The following RGS7 variants were observed in gnomAD, a reference collection of about 807,000 sequenced individuals.
RGS7 encodes the protein regulator of G protein signaling 7.
In RGS7, 27 loss-of-function variants were observed where a neutral mutation model predicts 81.1. That is an observed-to-expected ratio of 0.33 (90% CI 0.25 to 0.46). The LOEUF (loss-of-function observed/expected upper bound fraction) is 0.46, where lower values mean the gene tolerates loss of function less well. Ranked by LOEUF, RGS7 falls within the 20% of genes least tolerant of loss-of-function variation. RGS7 has a pLI of 1.00. For synonymous variants in RGS7, 208 were observed against 207.7 expected (o/e 1.00, Z -0.01); for missense variants, 396 against 607.4 (o/e 0.65, Z 3.66).
At chr1:240,822,176 G>A (rs1691915575) in intron 10 of RGS7, among the ~76,000 whole-genome samples, 1 of 152,140 alleles carries the variant, frequency 6.6e-6, no homozygotes, top group African/African-American at 2.4e-5. Context: ...TAGAACAAAG[G>A]CTGACCTCCC....
intron 4 of RGS7, among the ~76,000 whole-genome samples, chr1:240,944,532 G>C (rs755462077): frequency 2.0e-5 from 3 of 151,780 alleles, no homozygotes; most frequent in Non-Finnish European, 4.4e-5. Context: ...GAAGAAAGTA[G>C]GGCACTGAAT....
intron 2 of RGS7, among the ~76,000 whole-genome samples, chr1:241,112,436 T>C (rs2065584118): frequency 6.6e-6 from 1 of 152,130 alleles, no homozygotes; most frequent in African/African-American, 2.4e-5. Flanking sequence ...AACTACCATT[T>C]TCAAAATGAA....
At chr1:241,044,890 T>C (rs1171381881) in intron 3 of RGS7, among the ~76,000 whole-genome samples, 1 of 152,246 alleles carries the variant, frequency 6.6e-6, no homozygotes, top group East Asian at 1.9e-4. Context: ...GTTCAAAATA[T>C]AAATTATTAT....
chr1:240,813,405 GCAA>G (rs1690236133), intron 13 of RGS7, among the ~76,000 whole-genome samples: 1 of 150,564 alleles, frequency 6.6e-6, no homozygotes, highest in African/African-American at 2.4e-5. Context: ...GGTCTTTCCA[GCAA>G]TGCAAATCTT....
At chr1:241,011,557 G>T (rs2058957726) in intron 3 of RGS7, among the ~76,000 whole-genome samples, 2 of 152,200 alleles carry the variant, frequency 1.3e-5, no homozygotes, top group South Asian at 4.1e-4. Context: ...TCGAACCAGA[G>T]TGACTCCATC....
chr1:241,271,358 AT>A lies in RGS7; in HGVS notation c.78+84340del, dbSNP rs1224831474. ...TGAACTGAAATTTTTATGCCTCAAC[AT>A]TTTTTTACAAAAGGAAATCAAATGT... On this transcript the variant is annotated intron_variant, in intron 2 of 18. Coordinates refer to ENST00000440928, the MANE Select transcript of RGS7 (RefSeq NM_001364886.1). This position sits in a 1 kb window ranked among gnomAD's most constrained non-coding sequence, Gnocchi z 4.6. Among the ~76,000 whole-genome samples the A allele has an allele frequency of 1.3e-5, 2 of 152,152 alleles. No homozygotes were observed. The highest frequency in any genetic ancestry group is 2.4e-5 in the African/African-American group (1 of 41,440).
chr1:241,000,588 AAT>A (rs1687985704), intron 3 of RGS7, among the ~76,000 whole-genome samples: 1 of 152,168 alleles, frequency 6.6e-6, no homozygotes, highest in African/African-American at 2.4e-5. Flanking sequence ...TGTACTGTTC[AAT>A]ATGTTAGCCA....
At chr1:241,306,198 A>C (rs1324505467) in intron 2 of RGS7, among the ~76,000 whole-genome samples, 1 of 150,692 alleles carries the variant, frequency 6.6e-6, no homozygotes, top group Non-Finnish European at 1.5e-5. Flanking sequence ...ACAAATACAC[A>C]CACAGGTCCA....
intron 3 of RGS7, among the ~76,000 whole-genome samples, chr1:241,047,531 A>G (rs1442309524): frequency 6.6e-6 from 1 of 152,052 alleles, no homozygotes; most frequent in Non-Finnish European, 1.5e-5. Context: ...CCTTTATTAT[A>G]CTCTCTAATG....
chr1:241,284,117 C>A (rs1484472792), intron 2 of RGS7, among the ~76,000 whole-genome samples: 1 of 151,988 alleles, frequency 6.6e-6, no homozygotes, highest in Non-Finnish European at 1.5e-5. Context: ...ATTTTAGCAT[C>A]TTTGTTACCT....
chr1:240,986,314 G>GT (rs1285087346), intron 3 of RGS7, among the ~76,000 whole-genome samples: 1 of 152,112 alleles, frequency 6.6e-6, no homozygotes, highest in Non-Finnish European at 1.5e-5. Flanking sequence ...CTGCTATACT[G>GT]TTTCTTCCTT....
chr1:240,832,398 C>T (rs1012077064), intron 9 of RGS7, among the ~76,000 whole-genome samples: 2 of 152,070 alleles, frequency 1.3e-5, no homozygotes, highest in African/African-American at 2.4e-5. Context: ...ATTATTATAA[C>T]GTTATTTATT....
chr1:240,905,922 T>C (rs1309431088), intron 6 of RGS7, among the ~76,000 whole-genome samples: 2 of 152,164 alleles, frequency 1.3e-5, no homozygotes, highest in East Asian at 3.9e-4. Flanking sequence ...ATCTTAAAAA[T>C]TGGTCATGTC....
intron 2 of RGS7, among the ~76,000 whole-genome samples, chr1:241,189,155 T>C (rs1309918031): frequency 6.6e-6 from 1 of 152,126 alleles, no homozygotes. Flanking sequence ...TATTTATTTG[T>C]TTATTTTTTT....
intron 12 of RGS7, 49 bp from the exon 13 acceptor site, chr1:240,813,777 G>T: frequency 1.7e-6 from 2 of 1,186,220 alleles, no homozygotes; most frequent in Non-Finnish European, 2.5e-6. Flanking sequence ...GACTGGGGTT[G>T]CAGCCAGTCC....
rs73125563 is a variant in RGS7 at position 241,067,980 on chromosome 1, T to C, written c.175+30686A>G. Among the ~76,000 whole-genome samples, 1,418 of 151,858 alleles carry C rather than the reference T, an allele frequency of 9.3e-3. 17 individuals are homozygous for C. The highest frequency in any genetic ancestry group is 0.032 in the African/African-American group (1,337 of 41,424). On this transcript the variant is annotated intron_variant, in intron 3 of 18. Transcript: ENST00000440928. The stretch of plus-strand genomic sequence containing the variant: ...CTGAATGTAGACAGAGAGTATGTGA[T>C]GGGCTGAGTCCAAGAAAATGAAACC...
At chr1:241,286,460 C>A (rs1480089639) in intron 2 of RGS7, among the ~76,000 whole-genome samples, 1 of 152,148 alleles carries the variant, frequency 6.6e-6, no homozygotes, top group African/African-American at 2.4e-5. Flanking sequence ...AGAAACACCG[C>A]TAAGAATTCC....
At chr1:241,143,932 G>C (rs2068109341) in intron 2 of RGS7, among the ~76,000 whole-genome samples, 2 of 152,224 alleles carry the variant, frequency 1.3e-5, no homozygotes, top group South Asian at 4.2e-4. Context: ...GGAACCATCT[G>C]TGAACCAGAG....
At chr1:241,285,794 A>T (rs879660943) in intron 2 of RGS7, among the ~76,000 whole-genome samples, 1 of 152,194 alleles carries the variant, frequency 6.6e-6, no homozygotes, top group Non-Finnish European at 1.5e-5. Flanking sequence ...CGATTATTGT[A>T]CAATAGTTGA....
Sources: allele counts gnomAD v4.1 joint callset (sites outside exome capture counted in the v4.1 genomes callset), GRCh38; gene constraint gnomAD v4.1.1; non-coding constraint Gnocchi (gnomAD v3.1); transcripts MANE v1.5; gene names NCBI Gene and HGNC (gene_info 2026-07-23, HGNC 2026-07-21).